Variants in KCNMA1 observed in about 807,000 individuals in gnomAD.
The protein encoded by KCNMA1 is Calcium-activated potassium channel subunit alpha-1.
Under a neutral mutation model 140.0 loss-of-function variants are expected in KCNMA1, and 29 were observed. That is an observed-to-expected ratio of 0.21 (90% confidence interval 0.15 to 0.28). The LOEUF (loss-of-function observed/expected upper bound fraction) is 0.28. Among genes scored for constraint, KCNMA1 ranks in the 10% least tolerant of loss-of-function variants. The pLI, the probability that KCNMA1 is intolerant of heterozygous loss-of-function variation, is 1.00. For synonymous variants in KCNMA1, 612 were observed against 611.9 expected (o/e 1.00, Z 0.00); for missense variants, 880 against 1,602.2 (o/e 0.55, Z 7.70).
chr10:77,252,270 T>C (rs74679728), intron 2 of KCNMA1, among the ~76,000 whole-genome samples: 3,375 of 152,256 alleles, frequency 0.022, 63 homozygotes, highest in Non-Finnish European at 0.036. Flanking sequence ...TTAATGCAAA[T>C]AAAGGATAGT....
chr10:77,382,898 A>T (rs1477977918), intron 2 of KCNMA1, among the ~76,000 whole-genome samples: 1 of 135,804 alleles, frequency 7.4e-6, no homozygotes, highest in Non-Finnish European at 1.6e-5. Flanking sequence ...ATATATATAT[A>T]TATATACACA....
At chr10:77,468,197 A>G (rs35771) in intron 1 of KCNMA1, among the ~76,000 whole-genome samples, 20,944 of 152,002 alleles carry the variant, frequency 0.14, 1,533 homozygotes, top group Admixed American at 0.18. Context: ...TGGTAGAGAC[A>G]GGGTTTCACC....
At chr10:76,880,165 C>T (rs1447813748), downstream of KCNMA1, among the ~76,000 whole-genome samples, 2 of 152,242 alleles carry the variant, frequency 1.3e-5, no homozygotes, top group East Asian at 1.9e-4. Context: ...AATAATTGTT[C>T]GGAATTTAGT....
At chr10:77,501,681 AAGAG>A (rs1391135257) in intron 1 of KCNMA1, among the ~76,000 whole-genome samples, 1 of 152,164 alleles carries the variant, frequency 6.6e-6, no homozygotes, top group Non-Finnish European at 1.5e-5. Flanking sequence ...GTCTCTGCAG[AAGAG>A]AGAAAGCCAG....
intron 17 of KCNMA1, chr10:77,012,694 A>C: frequency 1.4e-6 from 1 of 716,800 alleles, no homozygotes; most frequent in Non-Finnish European, 2.4e-6. Flanking sequence ...CATGCACTAA[A>C]TGATGGTTTT....
chr10:77,216,234 C>CG (rs2047751951), intron 3 of KCNMA1, among the ~76,000 whole-genome samples: 1 of 151,920 alleles, frequency 6.6e-6, no homozygotes, highest in African/African-American at 2.4e-5. Context: ...GGGTTTCTTT[C>CG]GGGGGTGTTG....
chr10:77,264,253 C>T (rs1600497162), intron 2 of KCNMA1, among the ~76,000 whole-genome samples: 1 of 152,208 alleles, frequency 6.6e-6, no homozygotes, highest in Non-Finnish European at 1.5e-5. Flanking sequence ...CCTCTGTGCC[C>T]CCTCTAGCAC....
At position 76,927,154 on chromosome 10, in the gene KCNMA1, A is replaced by C. The variant is rs528514380; in HGVS notation, c.2903-12105T>G. ...AAATAAGCTAGCAAAGGGAATCCAGAGGATCTCCTTACAGACTCCTTCACA... is the reference window on the plus strand; with the variant it reads ...AAATAAGCTAGCAAAGGGAATCCAGCGGATCTCCTTACAGACTCCTTCACA... On this transcript the variant is annotated intron_variant, in intron 23 of 27. Transcript: ENST00000286628. 2.0e-5 allele frequency among the ~76,000 whole-genome samples: 3 copies of C among 152,316 alleles called. No individual in the cohort carries two copies. The South Asian group carries it at 6.2e-4, about 32-fold the overall frequency.
Position 77,106,441 on chromosome 10 carries a change from G to A in KCNMA1, c.1223+2040C>T, listed in dbSNP as rs1256172096. On this transcript the variant is annotated intron_variant, in intron 9 of 27. Coordinates refer to ENST00000286628, the MANE Select transcript of KCNMA1 (RefSeq NM_001161352.2). ...GGACTGGGGGCAGTGAGTGAGTGCC[G>A]GGCTGAGAGCCCCATCTGGGTCAGC... 3.9e-5 allele frequency among the ~76,000 whole-genome samples: 6 copies of A among 152,018 alleles called. No homozygotes were observed. The East Asian group carries it at 5.8e-4, about 15-fold the overall frequency.
intron 1 of KCNMA1, among the ~76,000 whole-genome samples, chr10:77,480,883 G>A (rs751611777): frequency 1.3e-5 from 2 of 151,812 alleles, no homozygotes; most frequent in African/African-American, 4.8e-5. Flanking sequence ...GCGGAGGTGG[G>A]CAGATCACCT....
chr10:77,317,765 C>T (rs547717636), intron 2 of KCNMA1, among the ~76,000 whole-genome samples: 34 of 152,310 alleles, frequency 2.2e-4, no homozygotes, highest in African/African-American at 7.7e-4. Context: ...ATTTCCTCAT[C>T]AGGGAAGATA....
intron 2 of KCNMA1, among the ~76,000 whole-genome samples, chr10:77,258,692 G>T (rs535812315): frequency 6.6e-6 from 1 of 152,186 alleles, no homozygotes; most frequent in African/African-American, 2.4e-5. Flanking sequence ...GCCAGGTGCG[G>T]TGGCTCATGC....
At chr10:77,597,956 G>A (rs1342972656) in intron 1 of KCNMA1, among the ~76,000 whole-genome samples, 1 of 152,086 alleles carries the variant, frequency 6.6e-6, no homozygotes, top group African/African-American at 2.4e-5. Context: ...TTCTCTGTAA[G>A]ATATTTTTGT....
downstream of KCNMA1, among the ~76,000 whole-genome samples, chr10:76,880,849 G>A (rs1188300770): frequency 1.3e-5 from 2 of 152,150 alleles, no homozygotes; most frequent in Non-Finnish European, 1.5e-5. Flanking sequence ...AGATTTCCAG[G>A]GGCTTTATTT....
chr10:77,544,871 T>G (rs1188659316), intron 1 of KCNMA1, among the ~76,000 whole-genome samples: 1 of 152,224 alleles, frequency 6.6e-6, no homozygotes, highest in Admixed American at 6.5e-5. Context: ...CCAATGGCAC[T>G]GACTCTGCTC....
intron 3 of KCNMA1, among the ~76,000 whole-genome samples, chr10:77,198,788 A>G (rs1194989336): frequency 6.6e-6 from 1 of 151,894 alleles, no homozygotes; most frequent in African/African-American, 2.4e-5. Flanking sequence ...ATTGAACACA[A>G]CTCAAAAAAT....
chr10:77,179,567 G>A (rs2098785848), intron 5 of KCNMA1, among the ~76,000 whole-genome samples: 2 of 152,104 alleles, frequency 1.3e-5, no homozygotes, highest in Admixed American at 1.3e-4. Context: ...CCGATGGAGG[G>A]ATGCCAACAC....
intron 1 of KCNMA1, among the ~76,000 whole-genome samples, chr10:77,609,827 A>G (rs1213644543): frequency 6.6e-6 from 1 of 152,220 alleles, no homozygotes; most frequent in Non-Finnish European, 1.5e-5. Context: ...TCAAGTTTCA[A>G]AAACACAGAC....
intron 1 of KCNMA1, among the ~76,000 whole-genome samples, chr10:77,496,617 A>G (rs1206068583): frequency 7.3e-6 from 1 of 137,788 alleles, no homozygotes; most frequent in Non-Finnish European, 1.5e-5. Context: ...AAAAAAAAAA[A>G]AAAAAAGAGG....
Sources: gnomAD v4.1 joint callset for allele counts (sites outside exome capture counted in the v4.1 genomes callset) on GRCh38, gnomAD v4.1.1 for gene constraint, MANE v1.5 for transcripts, NCBI Gene and HGNC (gene_info 2026-07-23, HGNC 2026-07-21) for gene names.